MTA3: variants seen among roughly 807,000 people sequenced by gnomAD.
MTA3 encodes metastasis associated 1 family member 3.
Under a neutral mutation model 83.5 loss-of-function variants are expected in MTA3, and 34 were observed. That is an observed-to-expected ratio of 0.41 (90% CI 0.31 to 0.54). The LOEUF (loss-of-function observed/expected upper bound fraction) is 0.54, where lower values mean the gene tolerates loss of function less well. MTA3 is among the 20% of genes least tolerant of loss of function. The pLI is 0.33. For synonymous variants in MTA3, 303 were observed against 252.7 expected (o/e 1.20, Z -1.89); for missense variants, 761 against 726.4 (o/e 1.05, Z -0.55).
chr2:42,593,051 A>G (rs1232744183), intron 3 of MTA3, among the ~76,000 whole-genome samples: 2 of 151,826 alleles, frequency 1.3e-5, no homozygotes, highest in African/African-American at 2.4e-5. Context: ...TACTTGGGAG[A>G]CTGAGGCAGG....
intron 15 of MTA3, among the ~76,000 whole-genome samples, chr2:42,720,879 G>A (rs1667353883): frequency 6.9e-6 from 1 of 144,420 alleles, no homozygotes; most frequent in Non-Finnish European, 1.5e-5. Context: ...TTGAGCCCAG[G>A]AGGCAGAGGT....
intron 2 of MTA3, among the ~76,000 whole-genome samples, chr2:42,516,427 A>G (rs1157741439): frequency 1.3e-5 from 2 of 152,222 alleles, no homozygotes; most frequent in African/African-American, 4.8e-5. Flanking sequence ...CTTTTCTGCT[A>G]AAGGTCCCAA....
intron 16 of MTA3, 197 bp downstream of exon 16, chr2:42,723,232 C>A: frequency 1.6e-6 from 1 of 620,452 alleles, no homozygotes. Context: ...TCAGGAGGTA[C>A]TTATTTGCTC....
intron 3 of MTA3, among the ~76,000 whole-genome samples, chr2:42,604,784 T>A (rs1056213672): frequency 2.0e-5 from 3 of 148,304 alleles, no homozygotes; most frequent in African/African-American, 5.0e-5. Flanking sequence ...TGGTGATGAC[T>A]CTTAACGAGC....
chr2:42,623,926 A>G (rs1685828206), intron 4 of MTA3, among the ~76,000 whole-genome samples: 3 of 152,082 alleles, frequency 2.0e-5, no homozygotes, highest in African/African-American at 7.2e-5. Context: ...TCCTGACCTT[A>G]GGTGTGATCC....
At chr2:42,638,770 T>G (rs1175433720) in intron 4 of MTA3, among the ~76,000 whole-genome samples, 1 of 152,000 alleles carries the variant, frequency 6.6e-6, no homozygotes, top group African/African-American at 2.4e-5. Context: ...AGAAAACCTT[T>G]ATAAACACTT....
chr2:42,557,858 C>T (rs916591237), intron 2 of MTA3, among the ~76,000 whole-genome samples: 2 of 152,154 alleles, frequency 1.3e-5, no homozygotes, highest in African/African-American at 4.8e-5. Flanking sequence ...ATTCCTCAGT[C>T]TGGCAGGGGA....
At chr2:42,596,922 G>A (rs181287399) in intron 3 of MTA3, among the ~76,000 whole-genome samples, 27 of 142,324 alleles carry the variant, frequency 1.9e-4, no homozygotes, top group Non-Finnish European at 3.4e-4. Context: ...TTTTTTTTTT[G>A]GAGACAGAGT....
intron 2 of MTA3, among the ~76,000 whole-genome samples, chr2:42,514,933 G>A (rs1039487678): frequency 6.7e-6 from 1 of 150,272 alleles, no homozygotes; most frequent in Non-Finnish European, 1.5e-5. Flanking sequence ...TCAAGCGATT[G>A]TCCTGCCTTG....
intron 11 of MTA3, among the ~76,000 whole-genome samples, chr2:42,700,410 A>T (rs1317513896): frequency 6.6e-6 from 1 of 152,210 alleles, no homozygotes; most frequent in Admixed American, 6.5e-5. Flanking sequence ...TGTGATTCAC[A>T]TGTCTATATG....
chr2:42,746,965 G>T (rs1028852649), intron 16 of MTA3, among the ~76,000 whole-genome samples: 1 of 152,054 alleles, frequency 6.6e-6, no homozygotes, highest in Admixed American at 6.5e-5. Flanking sequence ...TAGACTGAGG[G>T]GGGAAACCCA....
chr2:42,636,696 G>A (rs1381838787), intron 4 of MTA3, among the ~76,000 whole-genome samples: 2 of 145,218 alleles, frequency 1.4e-5, no homozygotes, highest in African/African-American at 2.6e-5. Context: ...GTGCGATCTC[G>A]GCTCACTGCA....
At chr2:42,560,893 C>T (rs533116756) in intron 2 of MTA3, among the ~76,000 whole-genome samples, 3 of 152,052 alleles carry the variant, frequency 2.0e-5, no homozygotes, top group South Asian at 2.1e-4. Context: ...GGTGACAGAG[C>T]GAGACTCCAT....
intron 3 of MTA3, among the ~76,000 whole-genome samples, chr2:42,606,032 C>T (rs867495247): frequency 4.8e-4 from 4 of 8,332 alleles, no homozygotes; most frequent in Admixed American, 1.5e-3. Context: ...GACCCCCCCA[C>T]CTCCCTCCCG....
At chr2:42,705,701 G>A (rs185025018) in intron 12 of MTA3, among the ~76,000 whole-genome samples, 27 of 151,738 alleles carry the variant, frequency 1.8e-4, no homozygotes, top group African/African-American at 5.3e-4. Flanking sequence ...GTGAAACATC[G>A]TCTCCCCCCC....
chr2:42,708,065 CTT>C lies in MTA3; in HGVS notation c.1302+15_1302+16del, dbSNP rs755533856. 1 of 1,591,902 alleles carries C rather than the reference CTT, an allele frequency of 6.3e-7. No individual in the cohort carries two copies. The highest frequency in any genetic ancestry group is 1.4e-5 in the African/African-American group (1 of 73,630). On this transcript the variant is annotated intron_variant, in intron 13 of 16. Coordinates refer to ENST00000405094, the MANE Select transcript of MTA3 (RefSeq NM_001330442.2). ...AGCCCAACTACAGAGGTACAGTAGT[CTT>C]TTTAGTGTTGAAAAATGGCATGTTT...
intron 4 of MTA3, among the ~76,000 whole-genome samples, chr2:42,633,521 G>C (rs1444855286): frequency 6.6e-6 from 1 of 152,172 alleles, no homozygotes; most frequent in Admixed American, 6.5e-5. Flanking sequence ...GGAGGCTGCA[G>C]TGAGCTGAGA....
intron 2 of MTA3, among the ~76,000 whole-genome samples, chr2:42,530,628 A>G (rs553084535): frequency 1.3e-5 from 2 of 151,322 alleles, no homozygotes; most frequent in African/African-American, 4.8e-5. Flanking sequence ...TACTAAAAAT[A>G]CAAAAAATTA....
At chr2:42,742,142 C>CTTTTTTTT (rs779331968) in intron 16 of MTA3, among the ~76,000 whole-genome samples, 1 of 141,170 alleles carries the variant, frequency 7.1e-6, no homozygotes. Flanking sequence ...TTCTTTCTTT[C>CTTTTTTTT]TTTTTTTTTT....
Sources: gnomAD v4.1 joint callset for allele counts (sites outside exome capture counted in the v4.1 genomes callset) on GRCh38, gnomAD v4.1.1 for gene constraint, MANE v1.5 for transcripts, NCBI Gene and HGNC (gene_info 2026-07-23, HGNC 2026-07-21) for gene names.